The following AGBL3 variants were observed in gnomAD, a reference collection of about 807,000 sequenced individuals.
AGBL3 encodes the protein cytosolic carboxypeptidase 3.
A neutral mutation model predicts 94.5 loss-of-function variants in AGBL3; 68 were observed. The ratio of observed to expected loss-of-function variants is 0.72; its 90% CI spans 0.59 to 0.88. The LOEUF is 0.88. AGBL3 is among the 40% of genes least tolerant of loss of function. The pLI is 0.00. For synonymous variants in AGBL3, 354 were observed against 370.7 expected (o/e 0.95, Z 0.52); for missense variants, 934 against 1,103.8 (o/e 0.85, Z 2.18).
At chr7:134,988,516 A>C (rs1021645115) in intron 2 of AGBL3, among the ~76,000 whole-genome samples, 4 of 152,204 alleles carry the variant, frequency 2.6e-5, no homozygotes, top group Non-Finnish European at 5.9e-5. Flanking sequence ...ATTTCCTTCA[A>C]ATTTTATTAA....
At chr7:135,097,923 G>C (rs1458431868) in intron 15 of AGBL3, among the ~76,000 whole-genome samples, 1 of 152,100 alleles carries the variant, frequency 6.6e-6, no homozygotes, top group Non-Finnish European at 1.5e-5. Context: ...TCTATGCTCA[G>C]TTTAAGTTCA....
At chr7:135,006,850 C>T (rs536315873) in intron 4 of AGBL3, among the ~76,000 whole-genome samples, 3 of 151,940 alleles carry the variant, frequency 2.0e-5, no homozygotes, top group African/African-American at 7.2e-5. Flanking sequence ...TCCTGATAAT[C>T]TTGTGCTAGA....
In AGBL3 at chr7:135,023,493, A is replaced by G. The variant is rs553682931; in HGVS notation, c.418+6334A>G. Among the ~76,000 whole-genome samples the G allele has an allele frequency of 9.9e-5, 15 of 152,060 alleles. No individual in the cohort carries two copies. In the South Asian group the frequency reaches 3.1e-3, roughly 32 times the overall value. On this transcript the variant is annotated intron_variant, in intron 5 of 16. Transcript: ENST00000436302. ...GATCCTAGCTACAAGAGATTTCATG[A>G]CCCCCACAGATATTTGAACTGTCAG...
chr7:135,102,197 C>T (rs112273082), intron 15 of AGBL3, among the ~76,000 whole-genome samples: 1,769 of 152,130 alleles, frequency 0.012, 31 homozygotes, highest in African/African-American at 0.04. Flanking sequence ...TCAAATTCAC[C>T]GCTCCAAATC....
At chr7:135,031,168 T>C (rs1310673303) in intron 5 of AGBL3, among the ~76,000 whole-genome samples, 5 of 152,230 alleles carry the variant, frequency 3.3e-5, no homozygotes, top group African/African-American at 2.4e-5. Context: ...ATGGATCACA[T>C]TTTCCTGCTT....
chr7:134,997,620 T>TACC lies in AGBL3; in HGVS notation c.310+3957_310+3959dup, dbSNP rs556598385. 3.3e-3 allele frequency among the ~76,000 whole-genome samples: 505 copies of TACC among 152,242 alleles called. 4 individuals carry two copies. The highest frequency in any genetic ancestry group is 0.011 in the African/African-American group (475 of 41,534). On this transcript the variant is annotated intron_variant, in intron 4 of 16. Coordinates refer to ENST00000436302, the MANE Select transcript of AGBL3 (RefSeq NM_178563.4). The stretch of plus-strand genomic sequence containing the variant: ...ATTGATACTGTGTGTCCAAGGCCTC[T>TACC]ACCACCACCACCACCACAATAAATC...
intron 15 of AGBL3, among the ~76,000 whole-genome samples, chr7:135,111,769 A>ACAGTAGTCC (rs1163487022): frequency 1.3e-5 from 2 of 152,146 alleles, no homozygotes; most frequent in African/African-American, 4.8e-5. Flanking sequence ...GGGCTGTTTT[A>ACAGTAGTCC]CAGTAGTCCA....
chr7:135,066,897 G>A (rs1192699600), intron 12 of AGBL3, among the ~76,000 whole-genome samples: 3 of 152,216 alleles, frequency 2.0e-5, no homozygotes, highest in Non-Finnish European at 4.4e-5. Flanking sequence ...GTGCAGGACA[G>A]TGGGTGCAGT....
chr7:135,074,750 T>C (rs1322037268), intron 12 of AGBL3, among the ~76,000 whole-genome samples: 2 of 152,164 alleles, frequency 1.3e-5, no homozygotes, highest in Non-Finnish European at 2.9e-5. Flanking sequence ...TTCATACCCA[T>C]GCCCACAATT....
chr7:135,040,501 G>C (rs540049983), intron 8 of AGBL3, among the ~76,000 whole-genome samples: 13 of 151,832 alleles, frequency 8.6e-5, no homozygotes, highest in South Asian at 2.1e-4. Context: ...ACTATGTTAA[G>C]AGTTGAAAGA....
At chr7:135,049,086 C>T (rs147533821) in intron 11 of AGBL3, among the ~76,000 whole-genome samples, 3,338 of 151,652 alleles carry the variant, frequency 0.022, 78 homozygotes, top group Middle Eastern at 0.048. Context: ...TTTTCATATA[C>T]GGCCTATATT....
intron 11 of AGBL3, among the ~76,000 whole-genome samples, chr7:135,056,035 T>A (rs1368581944): frequency 1.3e-5 from 2 of 152,148 alleles, no homozygotes; most frequent in Admixed American, 1.3e-4. Flanking sequence ...ATCTAAGCTA[T>A]AAAATTTATG....
chr7:135,048,756 T>G (rs1239560809), intron 11 of AGBL3, among the ~76,000 whole-genome samples: 6 of 150,248 alleles, frequency 4.0e-5, no homozygotes, highest in East Asian at 1.9e-4. Flanking sequence ...CACAGTTGTT[T>G]TTTTTTTTTA....
intron 4 of AGBL3, among the ~76,000 whole-genome samples, chr7:135,003,164 AT>A (rs1352536714): frequency 6.6e-6 from 1 of 152,172 alleles, no homozygotes; most frequent in East Asian, 1.9e-4. Context: ...TCAGGAATCC[AT>A]TTTGATATAA....
intron 7 of AGBL3, 94 bp downstream of exon 7, chr7:135,035,022 T>C: frequency 8.8e-7 from 1 of 1,133,328 alleles, no homozygotes; most frequent in South Asian, 1.9e-5. Context: ...CTGTAACTTC[T>C]CAAGATAGTC....
intron 4 of AGBL3, among the ~76,000 whole-genome samples, chr7:135,014,974 C>T (rs1042931029): frequency 2.0e-5 from 3 of 152,176 alleles, no homozygotes; most frequent in Non-Finnish European, 2.9e-5. Flanking sequence ...ACAATGATAG[C>T]CAACACTTTC....
rs147954366 is a variant in AGBL3, at chr7:134,995,041, A to C, written c.310+1363A>C. On this transcript the variant is annotated intron_variant, in intron 4 of 16. Transcript: ENST00000436302. ...AGGAAATAAAAAAGTCCAACAGAGA[A>C]AACACTGCCATGCTACTGAATTTAA... 2.3e-3 allele frequency among the ~76,000 whole-genome samples: 353 copies of C among 152,278 alleles called. 1 individual carries two copies. The highest frequency in any genetic ancestry group is 7.8e-3 in the African/African-American group (324 of 41,552).
intron 15 of AGBL3, among the ~76,000 whole-genome samples, chr7:135,105,818 A>G (rs1824624431): frequency 1.3e-5 from 2 of 152,170 alleles, no homozygotes; most frequent in South Asian, 4.1e-4. Context: ...GAATCTGTAA[A>G]TTGCTTTGGA....
chr7:135,098,720 G>A (rs1823306804), intron 15 of AGBL3, among the ~76,000 whole-genome samples: 1 of 152,156 alleles, frequency 6.6e-6, no homozygotes, highest in African/African-American at 2.4e-5. Flanking sequence ...ATATCTCAAA[G>A]GCTGCAGGCA....
Sources: gnomAD v4.1 joint callset for allele counts (sites outside exome capture counted in the v4.1 genomes callset) on GRCh38, gnomAD v4.1.1 for gene constraint, MANE v1.5 for transcripts, NCBI Gene and HGNC (gene_info 2026-07-23, HGNC 2026-07-21) for gene names.